The following GLI3 variants were observed in gnomAD, a reference collection of about 807,000 sequenced individuals.
GLI3 encodes the protein transcription activator GLI3.
GLI3 carries 20 observed loss-of-function variants against 100.8 expected under a neutral mutation model. That is an observed-to-expected ratio of 0.20 (90% CI 0.14 to 0.29). The LOEUF (loss-of-function observed/expected upper bound fraction) is 0.29. Among genes scored for constraint, GLI3 ranks in the 10% least tolerant of loss-of-function variants. The probability of loss-of-function intolerance (pLI) is 1.00; values close to 1 mark genes in which losing one functional copy is unlikely to be tolerated. For missense variants in GLI3, 2,040 were observed against 2,128.5 expected (o/e 0.96, Z 0.82); for synonymous variants, 938 against 860.5 (o/e 1.09, Z -1.58).
Position 42,182,664 on chromosome 7 carries a change from A to ATATATACATGTGTGTGTG in GLI3, c.125-34197_125-34196insCACACACACATGTATATA, listed in dbSNP as rs1554337049. ...TGTGTGTATATATATATATATATATATATATATATATATATATACACATGT... is the reference window on the plus strand; with the variant it reads ...TGTGTGTATATATATATATATATATATATATACATGTGTGTGTGTATATATATATATATATACACATGT... On this transcript the variant is annotated intron_variant, in intron 2 of 14. Transcript: ENST00000395925. Among the ~76,000 whole-genome samples the ATATATACATGTGTGTGTG allele has an allele frequency of 3.8e-5, 3 of 78,328 alleles. 1 individual carries two copies. The highest frequency in any genetic ancestry group is 1.9e-4 in the African/African-American group (3 of 15,572). The allele number at this position is 78,328 out of a possible 152,430, so 51.4% of individuals were successfully genotyped here.
intron 2 of GLI3, among the ~76,000 whole-genome samples, chr7:42,181,407 C>T (rs1276488899): frequency 6.6e-6 from 1 of 151,970 alleles, no homozygotes; most frequent in South Asian, 2.1e-4. Context: ...TCAAGACCAG[C>T]TTGGGCAACA....
At chr7:42,132,254 C>CT (rs990769014) in intron 3 of GLI3, among the ~76,000 whole-genome samples, 1 of 151,384 alleles carries the variant, frequency 6.6e-6, no homozygotes, top group Non-Finnish European at 1.5e-5. Flanking sequence ...GCGCCCGCCA[C>CT]TACGCCCGGC....
chr7:42,048,353 T>C (rs1784286590), intron 5 of GLI3, 138 bp downstream of exon 5: 15 of 727,546 alleles, frequency 2.1e-5, no homozygotes, highest in Non-Finnish European at 3.3e-5. Flanking sequence ...AACGCAATCA[T>C]GCATGTAAGG....
At chr7:42,165,050 G>A (rs1787212637) in intron 2 of GLI3, among the ~76,000 whole-genome samples, 2 of 151,572 alleles carry the variant, frequency 1.3e-5, no homozygotes, top group Admixed American at 6.6e-5. Flanking sequence ...CAAGGCGGGT[G>A]GATCACTTGA....
At chr7:41,978,069 G>T (rs368026756) in intron 11 of GLI3, 1 of 396,060 alleles carries the variant, frequency 2.5e-6, no homozygotes, top group Non-Finnish European at 4.7e-6. Flanking sequence ...TCCATACAAA[G>T]ACATGGAATT....
chr7:41,969,334 C>T (rs1787307938), intron 13 of GLI3, among the ~76,000 whole-genome samples: 1 of 152,172 alleles, frequency 6.6e-6, no homozygotes, highest in Non-Finnish European at 1.5e-5. Flanking sequence ...AAGATAACTA[C>T]ACTCACTCGG....
chr7:42,109,498 A>T (rs1774173971), intron 3 of GLI3, among the ~76,000 whole-genome samples: 1 of 152,166 alleles, frequency 6.6e-6, no homozygotes, highest in Non-Finnish European at 1.5e-5. Flanking sequence ...ATGAGAGCAT[A>T]ATGTCCTGCC....
chr7:42,042,288 A>G (rs1784160588), intron 6 of GLI3, among the ~76,000 whole-genome samples: 1 of 152,130 alleles, frequency 6.6e-6, no homozygotes, highest in Non-Finnish European at 1.5e-5. Context: ...TGCTGGGATT[A>G]CAGGGGTGAG....
At chr7:42,043,241 C>G (rs183818963) in intron 6 of GLI3, among the ~76,000 whole-genome samples, 1 of 152,186 alleles carries the variant, frequency 6.6e-6, no homozygotes, top group Non-Finnish European at 1.5e-5. Flanking sequence ...TATATTCTAA[C>G]TAAATAACTA....
intron 4 of GLI3, among the ~76,000 whole-genome samples, chr7:42,074,371 G>A (rs920518598): frequency 4.6e-5 from 7 of 152,194 alleles, no homozygotes; most frequent in Non-Finnish European, 4.4e-5. Context: ...GGGCCAATGT[G>A]AGTGTCCACT....
chr7:42,094,962 G>A (rs1464257282), intron 3 of GLI3, among the ~76,000 whole-genome samples: 4 of 152,182 alleles, frequency 2.6e-5, no homozygotes, highest in Admixed American at 2.0e-4. Flanking sequence ...AGTGGGCAGA[G>A]GACTAGGTAG....
intron 6 of GLI3, among the ~76,000 whole-genome samples, chr7:42,040,685 T>A (rs551379606): frequency 3.2e-4 from 48 of 152,190 alleles, no homozygotes; most frequent in Non-Finnish European, 6.3e-4. Context: ...AATTAAAGTA[T>A]CCTAAGATTA....
At chr7:42,119,557 C>G (rs953949084) in intron 3 of GLI3, among the ~76,000 whole-genome samples, 13 of 152,186 alleles carry the variant, frequency 8.5e-5, no homozygotes, top group African/African-American at 2.7e-4. Context: ...GTTATATCAG[C>G]TGGGTCCCTT....
intron 3 of GLI3, among the ~76,000 whole-genome samples, chr7:42,123,554 C>A (rs1240041677): frequency 1.3e-5 from 2 of 152,142 alleles, no homozygotes; most frequent in East Asian, 3.9e-4. Flanking sequence ...AGTTTAGGCA[C>A]AACACTTGAG....
chr7:42,135,699 T>C (rs1786411782), intron 3 of GLI3, among the ~76,000 whole-genome samples: 1 of 152,232 alleles, frequency 6.6e-6, no homozygotes, highest in African/African-American at 2.4e-5. Context: ...CTGCTATCTA[T>C]ACTCAGTCCT....
chr7:41,997,541 G>C (rs1178409324), intron 10 of GLI3, among the ~76,000 whole-genome samples: 1 of 152,160 alleles, frequency 6.6e-6, no homozygotes, highest in Non-Finnish European at 1.5e-5. Context: ...AAAGAAAAAA[G>C]TGTCCAAGTA....
intron 6 of GLI3, among the ~76,000 whole-genome samples, chr7:42,044,838 A>T (rs10265970): frequency 0.069 from 10,488 of 152,234 alleles, 522 homozygotes; most frequent in Non-Finnish European, 0.1. Flanking sequence ...CCATCCATAT[A>T]TCAAATCCAT....
intron 2 of GLI3, among the ~76,000 whole-genome samples, chr7:42,165,011 G>A (rs1457594558): frequency 2.0e-5 from 3 of 149,540 alleles, no homozygotes; most frequent in South Asian, 2.1e-4. Context: ...GCAGCGACAC[G>A]TGCCTGTAAT....
At chr7:42,186,918 A>G (rs918965897) in intron 2 of GLI3, among the ~76,000 whole-genome samples, 6 of 152,222 alleles carry the variant, frequency 3.9e-5, no homozygotes, top group Non-Finnish European at 5.9e-5. Context: ...AGCATTAAAA[A>G]TGATCATGAT....
Sources: gnomAD v4.1 joint callset for allele counts (sites outside exome capture counted in the v4.1 genomes callset) on GRCh38, gnomAD v4.1.1 for gene constraint, MANE v1.5 for transcripts, NCBI Gene and HGNC (gene_info 2026-07-23, HGNC 2026-07-21) for gene names.